Variants in FER1L5 observed in about 807,000 individuals in gnomAD.
The protein encoded by FER1L5 is fer-1 like family member 5.
A neutral mutation model predicts 279.9 loss-of-function variants in FER1L5; 187 were observed. The ratio of observed to expected loss-of-function variants is 0.67; its 90% CI spans 0.59 to 0.75. FER1L5 has a LOEUF of 0.75. FER1L5 is among the 30% of genes least tolerant of loss of function. The pLI, the probability that FER1L5 is intolerant of heterozygous loss-of-function variation, is 0.00. For synonymous variants in FER1L5, 921 were observed against 989.7 expected, an observed-to-expected ratio of 0.93 and a Z score of 1.30; for missense variants, 2,091 against 2,594.4, an observed-to-expected ratio of 0.81 and a Z score of 4.21.
At position 96,670,244 on chromosome 2, in the gene FER1L5, A is replaced by G. The variant is rs999230475; in HGVS notation, c.1488A>G (p.Ile496Met). Residue 496 changes from isoleucine to methionine, a missense_variant, in exon 18 of 53, where the codon ATA (isoleucine) becomes ATG (methionine). Ile to Met is a conservative substitution (Grantham distance 10). Coordinates refer to ENST00000624922, the MANE Select transcript of FER1L5 (RefSeq NM_001293083.2). ...ATCTCTCCCATGAAGTGACCAGGAT[A>G]GAGGTAACTGCGGGAAACAGGTAAC... The part of the protein sequence containing the change: ...IKDLSHEVTR[I>M]EKHQNRQKYG... 7 of 1,551,366 alleles carry G rather than the reference A, an allele frequency of 4.5e-6. No homozygotes were observed. Among genetic ancestry groups the G allele is most frequent in the Non-Finnish European group, 6.1e-6 (7 of 1,146,794 alleles).
intron 14 of FER1L5, among the ~76,000 whole-genome samples, chr2:96,664,898 G>A (rs2076075963): frequency 6.6e-6 from 1 of 152,136 alleles, no homozygotes; most frequent in Non-Finnish European, 1.5e-5. Flanking sequence ...AGAGCTTTTT[G>A]TTGATGGCCT....
chr2:96,687,961 G>C lies in FER1L5; in HGVS notation c.2361+14G>C, dbSNP rs769180641. 1 of 1,550,584 alleles carries C rather than the reference G, an allele frequency of 6.4e-7. No homozygotes were observed. Among genetic ancestry groups the C allele is most frequent in the Non-Finnish European group, 8.7e-7 (1 of 1,146,674 alleles). On this transcript the variant is annotated intron_variant, in intron 24 of 52. Transcript: ENST00000624922. ...TACGCCGAGATGGTGAGTGGTGAGC[G>C]GCAGCCCAAGGCCAGGGCAGGCACG...
chr2:96,690,845 C>T (rs182027883), intron 27 of FER1L5, among the ~76,000 whole-genome samples: 20 of 152,344 alleles, frequency 1.3e-4, no homozygotes, highest in Non-Finnish European at 1.9e-4. Context: ...GAGGCTATCA[C>T]GTGATGGCTG....
At chr2:96,700,184 A>G (rs1487498092) in intron 44 of FER1L5, 104 bp downstream of exon 44, 1 of 1,556,380 alleles carries the variant, frequency 6.4e-7, no homozygotes, top group Non-Finnish European at 8.7e-7. Context: ...AGGGGAGGAC[A>G]AGGAAAGAGC....
At chr2:96,681,804 ATTTG>A (rs2076738966) in intron 19 of FER1L5, among the ~76,000 whole-genome samples, 3 of 148,576 alleles carry the variant, frequency 2.0e-5, no homozygotes, top group South Asian at 2.1e-4. Flanking sequence ...TTATTTATTT[ATTTG>A]AGAAGGAGTC....
At position 96,669,122 on chromosome 2, in the gene FER1L5, C is replaced by G; in HGVS notation, c.1347C>G (p.Ile449Met). The change falls in exon 17 of 53, where the codon ATC (isoleucine) becomes ATG (methionine). Residue 449 changes from isoleucine to methionine, a missense_variant. Coordinates refer to ENST00000624922, the MANE Select transcript of FER1L5 (RefSeq NM_001293083.2). The stretch of plus-strand genomic sequence containing the variant: ...GGGGTAAAAAGGCCCCTTTCAGGAT[C>G]CAGGAAGAAGGCGCTGTAAGCTTCT... ...LHGGKKAPFR[I>M]QEEGACIPDS... 2.6e-6 allele frequency: 4 copies of G among 1,551,642 alleles called. No homozygotes were observed. Among genetic ancestry groups the G allele is most frequent in the Non-Finnish European group, 3.5e-6 (4 of 1,146,984 alleles).
chr2:96,691,998 C>T lies in FER1L5; in HGVS notation c.3214+35C>T. 6.5e-7 allele frequency: 1 copy of T among 1,536,756 alleles called. No individual in the cohort carries two copies. Among genetic ancestry groups the T allele is most frequent in the Non-Finnish European group, 8.8e-7 (1 of 1,141,440 alleles). ...GACTTGGGAGTCTACTTGAATGGCCCCAGAGGCCAGTACCCGAGGGCGGGG... is the reference window on the plus strand; with the variant it reads ...GACTTGGGAGTCTACTTGAATGGCCTCAGAGGCCAGTACCCGAGGGCGGGG... On this transcript the variant is annotated intron_variant, in intron 30 of 52. Transcript: ENST00000624922. The surrounding 1 kb of genome is among the most constrained non-coding windows in gnomAD (Gnocchi z 6.0).
chr2:96,651,957 G>A lies in FER1L5; in HGVS notation c.570G>A (p.Val190=). Reference sequence around the variant, plus strand: ...ACAACATCAAACCAGTGGTGAAGGTGTCCATCGCAGGCCAGCAGCACCAGA... The same window carrying A: ...ACAACATCAAACCAGTGGTGAAGGTATCCATCGCAGGCCAGCAGCACCAGA... ...MGNNIKPVVK[V]SIAGQQHQTR... is the part of the protein sequence containing the mutation. Residue 190 remains valine, a synonymous_variant, in exon 7 of 53, where the codon GTG becomes GTA. Transcript: ENST00000624922. 1 of 1,551,946 alleles carries A rather than the reference G, an allele frequency of 6.4e-7. No homozygotes were observed. The highest frequency in any genetic ancestry group is 1.2e-5 in the South Asian group (1 of 84,066).
Position 96,699,131 on chromosome 2 carries a change from T to C in FER1L5, c.4605T>C (p.Phe1535=), listed in dbSNP as rs1284741781. 1.2e-6 allele frequency: 2 copies of C among 1,608,034 alleles called. No homozygotes were observed. The highest frequency in any genetic ancestry group is 1.7e-4 in the Middle Eastern group (1 of 6,056). Residue 1535 remains phenylalanine, a synonymous_variant, in exon 42 of 53, where the codon TTT becomes TTC. Coordinates refer to ENST00000624922, the MANE Select transcript of FER1L5 (RefSeq NM_001293083.2). ...MYQPNTLDPI[F]GMMFELTCNI... is the part of the protein sequence containing the mutation. ...AGCCCAACACTCTGGATCCCATCTT[T>C]GGCATGTGAGCTGCCCCAACCCCCA...
chr2:96,684,441 G>A lies in FER1L5; in HGVS notation c.1784G>A (p.Arg595Gln), dbSNP rs890304980. 8 of 1,551,250 alleles carry A rather than the reference G, an allele frequency of 5.2e-6. No individual in the cohort carries two copies. Among genetic ancestry groups the A allele is most frequent in the South Asian group, 2.4e-5 (2 of 84,038 alleles). Reference protein sequence around the residue: ...MNCLNLLHFTRDRLKANLDTL... With the variant: ...MNCLNLLHFTQDRLKANLDTL... ...TGCCTCAACCTCCTCCACTTCACTC[G>A]GGACCGCCTGGTGAGTGGTGCGGGA... The change falls in exon 20 of 53, where the codon CGG becomes CAG. Residue 595 changes from arginine to glutamine, a missense_variant. Arg to Gln is a conservative substitution (Grantham distance 43). Coordinates refer to ENST00000624922, the MANE Select transcript of FER1L5 (RefSeq NM_001293083.2).
rs750874754 is a variant in FER1L5 at position 96,701,911 on chromosome 2, C to G, written c.5071-44C>G. ...GAACCCCAGGCCAGCCTGCTGAGAA[C>G]AGAGGCTAGCAACCCCCAACCAGTC... is the stretch of plus-strand genomic sequence containing the variant. On this transcript the variant is annotated intron_variant, in intron 45 of 52. Coordinates refer to ENST00000624922, the MANE Select transcript of FER1L5 (RefSeq NM_001293083.2). 3 of 1,591,102 alleles carry G rather than the reference C, an allele frequency of 1.9e-6. No homozygotes were observed. The South Asian group carries it at 3.3e-5, about 18-fold the overall frequency.
intron 1 of FER1L5, 110 bp from the exon 2 acceptor site, chr2:96,646,291 C>G (rs1268574784): frequency 4.2e-6 from 5 of 1,179,680 alleles, no homozygotes; most frequent in East Asian, 5.3e-5. Flanking sequence ...AGCCACCATG[C>G]CCGGCCGACT....
Position 96,694,278 on chromosome 2 carries a change from G to C in FER1L5, c.3637-82G>C, listed in dbSNP as rs1472729820. 5 of 1,382,266 alleles carry C rather than the reference G, an allele frequency of 3.6e-6. No individual in the cohort carries two copies. The highest frequency in any genetic ancestry group is 4.8e-6 in the Non-Finnish European group (5 of 1,032,922). The allele number at this position is 1,382,266 out of a possible 1,614,324, so 85.6% of individuals were successfully genotyped here. A position where few individuals can be genotyped will look rare whatever the true frequency, so the allele number is the denominator to read the frequency against. On this transcript the variant is annotated intron_variant, in intron 33 of 52. Transcript: ENST00000624922. The surrounding 1 kb of genome is among the most constrained non-coding windows in gnomAD (Gnocchi z 4.6). ...ACCCATGGGGCTCTGGGCTCGGTGA[G>C]GCCTCTGAGGGACCTGCTTGAGGTG...
At chr2:96,699,493 A>AG in intron 42 of FER1L5, 57 bp from the exon 43 acceptor site, 1 of 1,554,590 alleles carries the variant, frequency 6.4e-7, no homozygotes, top group Admixed American at 1.8e-5. Flanking sequence ...CCGGTGAGGG[A>AG]GGGGGGCACA....
Position 96,699,900 on chromosome 2 carries a change from C to T in FER1L5, c.4782-32C>T, listed in dbSNP as rs1247149715. 4.3e-6 allele frequency: 7 copies of T among 1,611,254 alleles called. No homozygotes were observed. In the South Asian group the frequency reaches 7.7e-5, roughly 18 times the overall value. ...CAGCAGTGTTCTTCAGGACCCAAAC[C>T]TCCAGACCTCTTCCTCTCACATCCC... On this transcript the variant is annotated intron_variant, in intron 43 of 52. Transcript: ENST00000624922.
rs866147948 is a variant in FER1L5, at chr2:96,651,895, C to G, written c.508C>G (p.Arg170Gly). 7 of 1,552,062 alleles carry G rather than the reference C, an allele frequency of 4.5e-6. No individual in the cohort carries two copies. Among genetic ancestry groups the G allele is most frequent in the Non-Finnish European group, 5.2e-6 (6 of 1,147,066 alleles). The change falls in exon 7 of 53, where the codon CGA (arginine) becomes GGA (glycine). Residue 170 changes from arginine to glycine, a missense_variant. Transcript: ENST00000624922. The part of the protein sequence containing the change: ...LSSKPQHFQV[R>G]VKVFEARQLM... Reference sequence around the variant, plus strand: ...TCCCCATGTGTTCCGCCCTTAGGTTCGAGTGAAGGTGTTTGAAGCCCGACA... The same window carrying G: ...TCCCCATGTGTTCCGCCCTTAGGTTGGAGTGAAGGTGTTTGAAGCCCGACA...
chr2:96,700,321 C>A lies in FER1L5; in HGVS notation c.4931-11C>A, dbSNP rs1490752911. On this transcript the variant is annotated splice_polypyrimidine_tract_variant and intron_variant, in intron 44 of 52. Transcript: ENST00000624922. Reference sequence around the variant, plus strand: ...CTCGCAATCCCCTCCTTCCATCCCCCTCCAATCCAGAGCCCAAAACCCCTA... The same window carrying A: ...CTCGCAATCCCCTCCTTCCATCCCCATCCAATCCAGAGCCCAAAACCCCTA... 1 of 1,612,128 alleles carries A rather than the reference C, an allele frequency of 6.2e-7. No homozygotes were observed. The highest frequency in any genetic ancestry group is 1.7e-5 in the Admixed American group (1 of 60,020).
chr2:96,695,360 T>G, intron 34 of FER1L5, 149 bp from the exon 35 acceptor site: 1 of 1,070,532 alleles, frequency 9.3e-7, no homozygotes, highest in Non-Finnish European at 1.3e-6. Flanking sequence ...CTTGTGCGCC[T>G]TCAGACACTG....
At position 96,698,759 on chromosome 2, in the gene FER1L5, T is replaced by TC. The variant is rs767148347; in HGVS notation, c.4450dup (p.Gln1484ProfsTer25). 2 of 1,569,764 alleles carry TC rather than the reference T, an allele frequency of 1.3e-6. No homozygotes were observed. Among genetic ancestry groups the TC allele is most frequent in the African/African-American group, 2.7e-5 (2 of 73,386 alleles). On this transcript the variant is annotated frameshift_variant, in exon 41 of 53. Coordinates refer to ENST00000624922, the MANE Select transcript of FER1L5 (RefSeq NM_001293083.2). LOFTEE classifies it high-confidence loss of function. The surrounding 1 kb of genome is among the most constrained non-coding windows in gnomAD (Gnocchi z 5.5). ...TTGGTTTGGCCAGAGAGAGAGGACT[T>TC]CCCCCAGCCGTGCTTGGTGCGGGTG...
Sources: gnomAD v4.1 joint callset for allele counts (sites outside exome capture counted in the v4.1 genomes callset) on GRCh38, gnomAD v4.1.1 for gene constraint, Gnocchi (gnomAD v3.1) non-coding constraint, MANE v1.5 for transcripts, NCBI Gene and HGNC (gene_info 2026-07-23, HGNC 2026-07-21) for gene names.